The following SGCZ variants were observed in gnomAD, a reference collection of about 807,000 sequenced individuals.
SGCZ encodes sarcoglycan zeta.
SGCZ carries 40 observed loss-of-function variants against 41.3 expected under a neutral mutation model. The ratio of observed to expected loss-of-function variants is 0.97; its 90% CI spans 0.75 to 1.26. SGCZ has a LOEUF of 1.26. Ranked by LOEUF, SGCZ falls within the 50% of genes most tolerant of loss-of-function variation. The pLI, the probability that SGCZ is intolerant of heterozygous loss-of-function variation, is 0.00. For synonymous variants in SGCZ, 206 were observed against 137.5 expected (o/e 1.50, Z -3.49); for missense variants, 552 against 369.8 (o/e 1.49, Z -4.04).
intron 1 of SGCZ, among the ~76,000 whole-genome samples, chr8:14,560,895 CTA>C (rs1804188515): frequency 6.6e-6 from 1 of 151,890 alleles, no homozygotes; most frequent in South Asian, 2.1e-4. Flanking sequence ...GAAATTAAAG[CTA>C]TGTTTATCTC....
Position 14,090,195 on chromosome 8 carries a change from G to A in SGCZ, c.*248C>T, listed in dbSNP as rs552299449. 48 of 336,924 alleles carry A rather than the reference G, an allele frequency of 1.4e-4. No individual in the cohort carries two copies. Among genetic ancestry groups the A allele is most frequent in the Non-Finnish European group, 2.4e-4 (44 of 186,396 alleles). 20.9% of individuals were successfully genotyped at this position (336,924 alleles called of 1,614,324 possible). ...AGGCACCTATGTTATTCTCCCTTTC[G>A]AGCAAAAGTCATGATCCAGTTTTCC... On this transcript the variant is annotated 3_prime_UTR_variant, in exon 8 of 8. Transcript: ENST00000382080.
At position 14,102,876 on chromosome 8, in the gene SGCZ, A is replaced by ATGAT. The variant is rs1399580600; in HGVS notation, c.621-381_621-378dup. On this transcript the variant is annotated intron_variant, in intron 6 of 7. Coordinates refer to ENST00000382080, the MANE Select transcript of SGCZ (RefSeq NM_139167.4). ...ACCAGTATATAACTTACTAGTATTA[A>ATGAT]TGATGGAGGTTTAATAAAAAATTTA... Among the ~76,000 whole-genome samples, 6 of 152,294 alleles carry ATGAT rather than the reference A, an allele frequency of 3.9e-5. No individual in the cohort carries two copies. In the East Asian group the frequency reaches 1.2e-3, roughly 29 times the overall value.
intron 1 of SGCZ, among the ~76,000 whole-genome samples, chr8:14,770,141 T>C (rs1477107362): frequency 9.4e-6 from 1 of 106,394 alleles, no homozygotes; most frequent in African/African-American, 4.5e-5. Context: ...ATATCTATTA[T>C]ATACATAATA....
intron 2 of SGCZ, among the ~76,000 whole-genome samples, chr8:14,380,862 C>T (rs1450668149): frequency 6.7e-6 from 1 of 150,098 alleles, no homozygotes; most frequent in African/African-American, 2.5e-5. Flanking sequence ...CTGTCTCAAA[C>T]AAACAAACAA....
intron 2 of SGCZ, among the ~76,000 whole-genome samples, chr8:14,347,688 T>A (rs1470670293): frequency 1.3e-5 from 2 of 151,916 alleles, no homozygotes; most frequent in Non-Finnish European, 2.9e-5. Flanking sequence ...CATCAAATTT[T>A]TAGAGATTAT....
At chr8:14,934,504 G>T (rs956061033) in intron 1 of SGCZ, among the ~76,000 whole-genome samples, 1 of 151,622 alleles carries the variant, frequency 6.6e-6, no homozygotes, top group African/African-American at 2.4e-5. Flanking sequence ...CACAGATGAA[G>T]ATATAATTAG....
At chr8:14,386,244 G>A (rs1804572484) in intron 2 of SGCZ, among the ~76,000 whole-genome samples, 1 of 150,684 alleles carries the variant, frequency 6.6e-6, no homozygotes, top group African/African-American at 2.4e-5. Flanking sequence ...CACCTGCTAT[G>A]ATAAATTTTG....
chr8:14,438,026 C>T (rs1800142324), intron 2 of SGCZ, among the ~76,000 whole-genome samples: 1 of 151,574 alleles, frequency 6.6e-6, no homozygotes, highest in Non-Finnish European at 1.5e-5. Context: ...ATCATTAAGC[C>T]ATAAACTACT....
chr8:14,309,661 G>C lies in SGCZ; in HGVS notation c.336+14442C>G, dbSNP rs1247023990. On this transcript the variant is annotated intron_variant, in intron 3 of 7. Transcript: ENST00000382080. ...AAGAGCGGCTCCACCACTAAAAATA[G>C]GTTTGTTGTTTAAGAAGACACCTTC... 1.7e-4 allele frequency: 273 copies of C among 1,610,550 alleles called. 1 individual carries two copies. Among genetic ancestry groups the C allele is most frequent in the South Asian group, 1.2e-3 (111 of 90,972 alleles).
At chr8:14,874,028 A>C (rs1451012509) in intron 1 of SGCZ, among the ~76,000 whole-genome samples, 1 of 152,020 alleles carries the variant, frequency 6.6e-6, no homozygotes, top group Admixed American at 6.6e-5. Flanking sequence ...ATGACTGAAA[A>C]CCATGGAAAA....
intron 1 of SGCZ, among the ~76,000 whole-genome samples, chr8:15,165,689 G>A (rs1224763985): frequency 3.9e-5 from 6 of 152,154 alleles, no homozygotes; most frequent in African/African-American, 1.4e-4. Flanking sequence ...AGTAAAATGT[G>A]TTTTTTAATC....
chr8:15,187,493 G>T (rs573409260), intron 1 of SGCZ, among the ~76,000 whole-genome samples: 3 of 152,086 alleles, frequency 2.0e-5, no homozygotes, highest in South Asian at 2.1e-4. Flanking sequence ...GTGATTTTAG[G>T]ATATCTCATT....
chr8:14,991,900 C>T (rs1411601425), intron 1 of SGCZ, among the ~76,000 whole-genome samples: 1 of 150,644 alleles, frequency 6.6e-6, no homozygotes, highest in Non-Finnish European at 1.5e-5. Context: ...CCAATCTACT[C>T]CCAAATATAC....
In SGCZ at chr8:15,163,999, G is replaced by A. The variant is rs78657894; in HGVS notation, c.39+73586C>T. ...CTCTCCGCTTCCTGCGTGGAACCTGGCATTCCAATGGCCGCCGGGAAGCGC... is the reference window on the plus strand; with the variant it reads ...CTCTCCGCTTCCTGCGTGGAACCTGACATTCCAATGGCCGCCGGGAAGCGC... On this transcript the variant is annotated intron_variant, in intron 1 of 7. Coordinates refer to ENST00000382080, the MANE Select transcript of SGCZ (RefSeq NM_139167.4). Among the ~76,000 whole-genome samples the A allele has an allele frequency of 8.5e-3, 1,298 of 152,312 alleles. 21 individuals carry two copies. The highest frequency in any genetic ancestry group is 0.03 in the African/African-American group (1,231 of 41,562).
chr8:14,601,008 AAT>A (rs906081744), intron 1 of SGCZ, among the ~76,000 whole-genome samples: 1 of 150,618 alleles, frequency 6.6e-6, no homozygotes, highest in Non-Finnish European at 1.5e-5. Flanking sequence ...TAATCCCTAA[AAT>A]ATATGTTTTA....
At chr8:14,455,468 ACACACACACACACACAC>A (rs1800714828) in intron 2 of SGCZ, among the ~76,000 whole-genome samples, 2 of 132,360 alleles carry the variant, frequency 1.5e-5, no homozygotes, top group African/African-American at 8.6e-5. Context: ...ACACACACAC[ACACACACACACACACAC>A]ACACACGCAT....
chr8:14,230,557 G>A (rs972437729), intron 4 of SGCZ, among the ~76,000 whole-genome samples: 9 of 151,978 alleles, frequency 5.9e-5, no homozygotes, highest in Admixed American at 3.9e-4. Flanking sequence ...CCATTAATTG[G>A]TGAAGTATAC....
At chr8:14,961,147 G>C (rs1413697628) in intron 1 of SGCZ, among the ~76,000 whole-genome samples, 1 of 151,974 alleles carries the variant, frequency 6.6e-6, no homozygotes, top group Non-Finnish European at 1.5e-5. Flanking sequence ...TTAGCCTATG[G>C]GTACTTTTTG....
intron 1 of SGCZ, among the ~76,000 whole-genome samples, chr8:14,615,204 C>T (rs185903319): frequency 1.3e-5 from 2 of 152,290 alleles, no homozygotes; most frequent in East Asian, 3.9e-4. Context: ...AACCTGTTGA[C>T]TCTGTACTTT....
Sources: allele counts gnomAD v4.1 joint callset (sites outside exome capture counted in the v4.1 genomes callset), GRCh38; gene constraint gnomAD v4.1.1; transcripts MANE v1.5; gene names NCBI Gene and HGNC (gene_info 2026-07-23, HGNC 2026-07-21).